The following CCL8 variants were observed in gnomAD, a reference collection of about 807,000 sequenced individuals.
The protein encoded by CCL8 is C-C motif chemokine 8.
In CCL8, 3 loss-of-function variants were observed where a neutral mutation model predicts 6.6. That is an observed-to-expected ratio of 0.45 (90% CI 0.21 to 1.17). CCL8 has a LOEUF of 1.17. Ranked by LOEUF, CCL8 falls within the 50% of genes most tolerant of loss-of-function variation. CCL8 has a pLI of 0.24. For missense variants in CCL8, 127 were observed against 118.1 expected (o/e 1.08, Z -0.35); for synonymous variants, 49 against 41.8 (o/e 1.17, Z -0.67).
Position 34,320,501 on chromosome 17 carries a change from C to A in CCL8, c.194+115C>A, listed in dbSNP as rs887876784. The A allele has an allele frequency of 2.9e-5, 21 of 721,312 alleles. No homozygotes were observed. In the Admixed American group the frequency reaches 4.7e-4, roughly 16 times the overall value. The allele number at this position is 721,312 out of a possible 1,614,324, so 44.7% of individuals were successfully genotyped here. On this transcript the variant is annotated intron_variant, in intron 2 of 2. Coordinates refer to ENST00000394620, the MANE Select transcript of CCL8 (RefSeq NM_005623.3). ...TATAACTTCTATCCAAAGGGCCCCTCTACCCCATAGAGAAACTCAGTCCAT... is the reference window on the plus strand; with the variant it reads ...TATAACTTCTATCCAAAGGGCCCCTATACCCCATAGAGAAACTCAGTCCAT...
chr17:34,321,094 A>C lies in CCL8; in HGVS notation c.*187A>C. On this transcript the variant is annotated 3_prime_UTR_variant, in exon 3 of 3. Coordinates refer to ENST00000394620, the MANE Select transcript of CCL8 (RefSeq NM_005623.3). ...TTTAAGTTGTTGATGTTTTAACTCTATCTGTCATACATCCTAGTGAATGTA... is the reference window on the plus strand; with the variant it reads ...TTTAAGTTGTTGATGTTTTAACTCTCTCTGTCATACATCCTAGTGAATGTA... 1 of 505,400 alleles carries C rather than the reference A, an allele frequency of 2.0e-6. No individual in the cohort carries two copies. Among genetic ancestry groups the C allele is most frequent in the African/African-American group, 2.0e-5 (1 of 49,374 alleles). The allele number at this position is 505,400 out of a possible 1,614,324, so 31.3% of individuals were successfully genotyped here.
rs1293450156 is a variant in CCL8, at chr17:34,320,904, A to G, written c.297A>G (p.Pro99=). The G allele has an allele frequency of 2.5e-6, 4 of 1,597,466 alleles. No homozygotes were observed. The highest frequency in any genetic ancestry group is 3.4e-5 in the Admixed American group (2 of 58,662). Reference sequence around the variant, plus strand: ...ACCAAATATTTCAAAATCTGAAGCCATGAGCCTTCATACATGGACTGAGAG... The same window carrying G: ...ACCAAATATTTCAAAATCTGAAGCCGTGAGCCTTCATACATGGACTGAGAG... The part of the protein sequence containing the change: ...HLDQIFQNLK[P] Residue 99 remains proline, a synonymous_variant, in exon 3 of 3, where the codon CCA becomes CCG. Transcript: ENST00000394620.
At position 34,320,680 on chromosome 17, in the gene CCL8, C is replaced by G. The variant is rs535410804; in HGVS notation, c.195-122C>G. 20 of 640,512 alleles carry G rather than the reference C, an allele frequency of 3.1e-5. No individual in the cohort carries two copies. The South Asian group carries it at 4.0e-4, about 13-fold the overall frequency. The allele number at this position is 640,512 out of a possible 1,614,324, so 39.7% of individuals were successfully genotyped here. On this transcript the variant is annotated intron_variant, in intron 2 of 2. Transcript: ENST00000394620. ...TCCTCCCACTCTTCCCCTCCCTCCT[C>G]TCCCGGGTCCGGGTCCTTCACCTAA...
chr17:34,320,314 G>A lies in CCL8; in HGVS notation c.122G>A (p.Arg41Lys). Residue 41 changes from arginine (R) to lysine (K), a missense_variant, in exon 2 of 3, where the codon AGG (arginine) becomes AAG (lysine). Coordinates refer to ENST00000394620, the MANE Select transcript of CCL8 (RefSeq NM_005623.3). The stretch of plus-strand genomic sequence containing the variant: ...ACCTGCTGCTTTAACGTGATCAATA[G>A]GAAAATTCCTATCCAGAGGCTGGAG... ...PITCCFNVIN[R>K]KIPIQRLESY... 1 of 1,613,746 alleles carries A rather than the reference G, an allele frequency of 6.2e-7. No individual in the cohort carries two copies. The highest frequency in any genetic ancestry group is 2.2e-5 in the East Asian group (1 of 44,866).
intron 2 of CCL8, 38 bp downstream of exon 2, chr17:34,320,424 C>G: frequency 7.8e-7 from 1 of 1,283,558 alleles, no homozygotes; most frequent in Non-Finnish European, 1.1e-6. Flanking sequence ...TTCAAAAGTT[C>G]TGATGGACAA....
In CCL8 at chr17:34,320,279, C is replaced by T. The variant is rs41339751; in HGVS notation, c.87C>T (p.Ser29=). 5.1e-4 allele frequency: 826 copies of T among 1,611,454 alleles called. 6 individuals are homozygous for T. In the East Asian group the frequency reaches 0.016, roughly 31 times the overall value. The part of the protein sequence containing the change: ...PQGLAQPDSV[S]IPITCCFNVI... ...CAAAATTTCTTTCAGATTCAGTTTCCATTCCAATCACCTGCTGCTTTAACG... is the reference window on the plus strand; with the variant it reads ...CAAAATTTCTTTCAGATTCAGTTTCTATTCCAATCACCTGCTGCTTTAACG... Residue 29 remains serine, a synonymous_variant, in exon 2 of 3, where the codon TCC becomes TCT. Coordinates refer to ENST00000394620, the MANE Select transcript of CCL8 (RefSeq NM_005623.3).
intron 1 of CCL8, among the ~76,000 whole-genome samples, 156 bp from the exon 2 acceptor site, chr17:34,320,113 A>T (rs533719297): frequency 6.6e-6 from 1 of 152,326 alleles, no homozygotes; most frequent in African/African-American, 2.4e-5. Flanking sequence ...TAGAGGAAAG[A>T]GACTCACAGG....
rs939941804 is a variant in CCL8, at chr17:34,321,004, A to G, written c.*97A>G. ...CAGTGTGACATTATTTTATTATAAC[A>G]TCCACAAAGAGATTATTTTTAAATA... On this transcript the variant is annotated 3_prime_UTR_variant, in exon 3 of 3. Transcript: ENST00000394620. 1.5e-6 allele frequency: 1 copy of G among 651,956 alleles called. No individual in the cohort carries two copies. Among genetic ancestry groups the G allele is most frequent in the African/African-American group, 1.9e-5 (1 of 52,048 alleles). 40.4% of individuals were successfully genotyped at this position (651,956 alleles called of 1,614,324 possible).
At position 34,320,304 on chromosome 17, in the gene CCL8, G is replaced by T. The variant is rs201901680; in HGVS notation, c.112G>T (p.Val38Leu). ...VSIPITCCFN[V>L]INRKIPIQRL... Reference sequence around the variant, plus strand: ...CATTCCAATCACCTGCTGCTTTAACGTGATCAATAGGAAAATTCCTATCCA... The same window carrying T: ...CATTCCAATCACCTGCTGCTTTAACTTGATCAATAGGAAAATTCCTATCCA... Residue 38 changes from valine (V) to leucine (L), a missense_variant, in exon 2 of 3, where the codon GTG (valine) becomes TTG (leucine). By Grantham distance (32) the Val-to-Leu change is conservative. Transcript: ENST00000394620. 1 of 1,613,376 alleles carries T rather than the reference G, an allele frequency of 6.2e-7. No homozygotes were observed. Among genetic ancestry groups the T allele is most frequent in the South Asian group, 1.1e-5 (1 of 91,062 alleles).
At chr17:34,320,149 C>T in intron 1 of CCL8, 120 bp from the exon 2 acceptor site, 3 of 674,328 alleles carry the variant, frequency 4.4e-6, no homozygotes, top group Non-Finnish European at 8.0e-6. Flanking sequence ...GGGATCTGGA[C>T]TAAGACACTG....
Position 34,320,274 on chromosome 17 carries a change from GT to G in CCL8, c.85del (p.Ser29ProfsTer10). On this transcript the variant is annotated frameshift_variant, in exon 2 of 3. Transcript: ENST00000394620. LOFTEE classifies it high-confidence loss of function. ...SPQGLAQPDS[V>X]SIPITCCFNV... ...CTTTGCAAAATTTCTTTCAGATTCA[GT>G]TTCCATTCCAATCACCTGCTGCTTT... 1 of 1,609,634 alleles carries G rather than the reference GT, an allele frequency of 6.2e-7. No homozygotes were observed. Among genetic ancestry groups the G allele is most frequent in the South Asian group, 1.1e-5 (1 of 90,994 alleles).
chr17:34,320,760 C>A (rs755672933), intron 2 of CCL8, 42 bp from the exon 3 acceptor site: 4 of 1,279,188 alleles, frequency 3.1e-6, no homozygotes, highest in Non-Finnish European at 4.5e-6. Flanking sequence ...TGTGCAGGAT[C>A]TTCAAAGTCT....
rs200483515 is a variant in CCL8 at position 34,319,545 on chromosome 17, C to T, written c.44C>T (p.Ala15Val). 4.8e-5 allele frequency: 77 copies of T among 1,613,722 alleles called. No homozygotes were observed. Among genetic ancestry groups the T allele is most frequent in the Non-Finnish European group, 4.2e-6 (5 of 1,179,814 alleles). Residue 15 changes from alanine to valine, a missense_variant, in exon 1 of 3, where the codon GCC becomes GTC. Ala to Val is a moderately conservative substitution (Grantham distance 64). Coordinates refer to ENST00000394620, the MANE Select transcript of CCL8 (RefSeq NM_005623.3). ...CTTCTGTGCCTGCTGCTCATGGCAG[C>T]CACTTTCAGCCCTCAGGGACTTGCT... ...AALLCLLLMA[A>V]TFSPQGLAQP...
At chr17:34,320,690 C>T (rs185107383) in intron 2 of CCL8, 112 bp from the exon 3 acceptor site, 35 of 662,482 alleles carry the variant, frequency 5.3e-5, no homozygotes, top group African/African-American at 2.7e-4. Flanking sequence ...CTCCCGGGTC[C>T]GGGTCCTTCA....
intron 2 of CCL8, 111 bp downstream of exon 2, chr17:34,320,497 C>CTTCTAA: frequency 1.4e-6 from 1 of 729,784 alleles, no homozygotes; most frequent in South Asian, 1.7e-5. Flanking sequence ...TCCAAAGGGC[C>CTTCTAA]CCTCTACCCC....
In CCL8 at chr17:34,320,910, C is replaced by T. The variant is rs200077434; in HGVS notation, c.*3C>T. ...TATTTCAAAATCTGAAGCCATGAGCCTTCATACATGGACTGAGAGTCAGAG... is the reference window on the plus strand; with the variant it reads ...TATTTCAAAATCTGAAGCCATGAGCTTTCATACATGGACTGAGAGTCAGAG... On this transcript the variant is annotated 3_prime_UTR_variant, in exon 3 of 3. Coordinates refer to ENST00000394620, the MANE Select transcript of CCL8 (RefSeq NM_005623.3). 6.9e-6 allele frequency: 11 copies of T among 1,585,610 alleles called. No individual in the cohort carries two copies. Among genetic ancestry groups the T allele is most frequent in the Admixed American group, 3.4e-5 (2 of 58,202 alleles).
In CCL8 at chr17:34,319,515, C is replaced by T; in HGVS notation, c.14C>T (p.Ala5Val). 1 of 1,613,844 alleles carries T rather than the reference C, an allele frequency of 6.2e-7. No homozygotes were observed. Among genetic ancestry groups the T allele is most frequent in the South Asian group, 1.1e-5 (1 of 91,074 alleles). Residue 5 changes from alanine (A) to valine (V), a missense_variant, in exon 1 of 3, where the codon GCA (alanine) becomes GTA (valine). By Grantham distance (64) the Ala-to-Val change is moderately conservative (BLOSUM62 0). Transcript: ENST00000394620. MKVS[A>V]ALLCLLLMAA... ...TTGCCCTCCAAGATGAAGGTTTCTGCAGCGCTTCTGTGCCTGCTGCTCATG... is the reference window on the plus strand; with the variant it reads ...TTGCCCTCCAAGATGAAGGTTTCTGTAGCGCTTCTGTGCCTGCTGCTCATG...
intron 1 of CCL8, 93 bp downstream of exon 1, chr17:34,319,670 G>C: frequency 1.0e-6 from 1 of 971,846 alleles, no homozygotes; most frequent in African/African-American, 1.6e-5. Flanking sequence ...AGAACTAAAG[G>C]CTCAGGTCAC....
At position 34,319,485 on chromosome 17, in the gene CCL8, C is replaced by T; in HGVS notation, c.-17C>T. The T allele has an allele frequency of 6.2e-7, 1 of 1,612,748 alleles. No homozygotes were observed. Among genetic ancestry groups the T allele is most frequent in the Non-Finnish European group, 8.5e-7 (1 of 1,178,888 alleles). ...CCTTCACCTCTCATGCTGAAGCTCA[C>T]ACCCTTGCCCTCCAAGATGAAGGTT... On this transcript the variant is annotated 5_prime_UTR_variant, in exon 1 of 3. Coordinates refer to ENST00000394620, the MANE Select transcript of CCL8 (RefSeq NM_005623.3).
Sources: allele counts gnomAD v4.1 joint callset (sites outside exome capture counted in the v4.1 genomes callset), GRCh38; gene constraint gnomAD v4.1.1; transcripts MANE v1.5; gene names NCBI Gene and HGNC (gene_info 2026-07-23, HGNC 2026-07-21).